DNAH11: variants seen among roughly 807,000 people sequenced by gnomAD.
DNAH11 encodes dynein axonemal heavy chain 11.
DNAH11 carries 442 observed loss-of-function variants against 526.0 expected under a neutral mutation model. The observed-to-expected ratio is 0.84, with a 90% CI of 0.78 to 0.91. The LOEUF is 0.91. Ranked by LOEUF, DNAH11 falls within the 40% of genes least tolerant of loss-of-function variation. The probability of loss-of-function intolerance (pLI) is 0.00; values close to 1 mark genes in which losing one functional copy is unlikely to be tolerated. For synonymous variants in DNAH11, 2,461 were observed against 1,935.9 expected, an observed-to-expected ratio of 1.27 and a Z score of -7.12; for missense variants, 6,989 against 5,448.7, an observed-to-expected ratio of 1.28 and a Z score of -8.90.
chr7:21,899,070 T>C (rs1257170132), intron 79 of DNAH11, among the ~76,000 whole-genome samples: 2 of 152,228 alleles, frequency 1.3e-5, no homozygotes, highest in East Asian at 1.9e-4. Context: ...TAATAAAAGC[T>C]GTTGCATAAA....
chr7:21,703,352 A>G (rs996281577), intron 37 of DNAH11: 1 of 156,728 alleles, frequency 6.4e-6, no homozygotes, highest in Non-Finnish European at 1.4e-5. Context: ...AGCGAGAGCA[A>G]TGGATATGTG....
At chr7:21,715,894 T>C (rs1784645968) in intron 42 of DNAH11, among the ~76,000 whole-genome samples, 2 of 147,532 alleles carry the variant, frequency 1.4e-5, no homozygotes, top group South Asian at 2.2e-4. Context: ...TCAAGCAGAA[T>C]CGGCTCTTAC....
At chr7:21,562,041 G>GCTCT (rs150169808) in intron 5 of DNAH11, among the ~76,000 whole-genome samples, 23,814 of 152,046 alleles carry the variant, frequency 0.16, 2,092 homozygotes, top group East Asian at 0.23. Flanking sequence ...TACAGCAGGG[G>GCTCT]CTCTGTAAGA....
intron 57 of DNAH11, among the ~76,000 whole-genome samples, chr7:21,783,688 G>C (rs1386858608): frequency 6.9e-6 from 1 of 144,540 alleles, no homozygotes; most frequent in Non-Finnish European, 1.5e-5. Context: ...AAGTTTACCA[G>C]CATGACTTTC....
chr7:21,779,229 C>A, intron 57 of DNAH11, 125 bp downstream of exon 57: 2 of 1,188,232 alleles, frequency 1.7e-6, no homozygotes, highest in Non-Finnish European at 2.3e-6. Flanking sequence ...ATTATAGTTA[C>A]ACATGTAACA....
chr7:21,582,905 G>C (rs1784364452), intron 9 of DNAH11, among the ~76,000 whole-genome samples: 1 of 152,104 alleles, frequency 6.6e-6, no homozygotes, highest in East Asian at 1.9e-4. Context: ...TGGCTGGTCA[G>C]TGGAGAAGAC....
intron 18 of DNAH11, among the ~76,000 whole-genome samples, chr7:21,604,662 C>A (rs930606633): frequency 2.0e-5 from 3 of 152,276 alleles, no homozygotes; most frequent in African/African-American, 7.2e-5. Flanking sequence ...ATCATCTGAT[C>A]TTTTGGGTTT....
At chr7:21,678,972 A>G (rs1783028173) in intron 30 of DNAH11, among the ~76,000 whole-genome samples, 1 of 152,192 alleles carries the variant, frequency 6.6e-6, no homozygotes, top group South Asian at 2.1e-4. Flanking sequence ...AGATGTAGAA[A>G]AAACCCAAGT....
intron 8 of DNAH11, among the ~76,000 whole-genome samples, chr7:21,580,813 G>T (rs1784280515): frequency 6.6e-6 from 1 of 152,182 alleles, no homozygotes. Flanking sequence ...ATAAAATTTT[G>T]CAAGGACATA....
At chr7:21,682,322 C>T (rs59302015) in intron 31 of DNAH11, among the ~76,000 whole-genome samples, 30,371 of 151,834 alleles carry the variant, frequency 0.2, 3,210 homozygotes, top group African/African-American at 0.23. Context: ...GTCAGGAGAT[C>T]GAGACCATCC....
chr7:21,554,252 C>A (rs1256873727), intron 2 of DNAH11, among the ~76,000 whole-genome samples: 1 of 150,442 alleles, frequency 6.6e-6, no homozygotes, highest in Non-Finnish European at 1.5e-5. Flanking sequence ...TGGCTCACTG[C>A]AACCTCCACC....
In DNAH11 at chr7:21,655,907, C is replaced by A; in HGVS notation, c.5020C>A (p.His1674Asn). The change falls in exon 29 of 82, where the codon CAC becomes AAC. Residue 1674 changes from histidine (H) to asparagine (N), a missense_variant. Coordinates refer to ENST00000409508, the MANE Select transcript of DNAH11 (RefSeq NM_001277115.2). ...QFEDNQDVSA[H>N]RAVGMYSKEK... ...TGAAGACAATCAGGATGTTTCTGCA[C>A]ACAGGGCAGTTGGAATGTACAGCAA... is the stretch of plus-strand genomic sequence containing the variant. 6.2e-7 allele frequency: 1 copy of A among 1,613,322 alleles called. No homozygotes were observed. Among genetic ancestry groups the A allele is most frequent in the Non-Finnish European group, 8.5e-7 (1 of 1,179,572 alleles).
intron 28 of DNAH11, among the ~76,000 whole-genome samples, chr7:21,648,128 G>A (rs1052599865): frequency 9.9e-5 from 15 of 152,196 alleles, no homozygotes; most frequent in Non-Finnish European, 1.8e-4. Context: ...CTATGTTATT[G>A]CTTAACCTTT....
At chr7:21,862,710 C>G (rs368223256) in intron 69 of DNAH11, among the ~76,000 whole-genome samples, 1 of 152,028 alleles carries the variant, frequency 6.6e-6, no homozygotes, top group Non-Finnish European at 1.5e-5. Context: ...GGTTTCTTAC[C>G]CACACCTTCA....
At chr7:21,789,812 CTTT>C (rs1788376584) in intron 61 of DNAH11, among the ~76,000 whole-genome samples, 1 of 76,102 alleles carries the variant, frequency 1.3e-5, no homozygotes, top group African/African-American at 4.9e-5. Flanking sequence ...TTTCTTTTTT[CTTT>C]CTTTCTTTCT....
At chr7:21,896,605 T>C (rs1562609814) in intron 79 of DNAH11, among the ~76,000 whole-genome samples, 1 of 152,364 alleles carries the variant, frequency 6.6e-6, no homozygotes. Flanking sequence ...GAAAAAGTCT[T>C]AGCACTTTTT....
intron 65 of DNAH11, among the ~76,000 whole-genome samples, chr7:21,838,716 CTA>C (rs1491053167): frequency 2.0e-5 from 3 of 148,876 alleles, no homozygotes; most frequent in African/African-American, 7.5e-5. Flanking sequence ...GATTTTTAAA[CTA>C]TTTATTTATT....
chr7:21,828,585 G>A (rs1461380494), intron 65 of DNAH11, among the ~76,000 whole-genome samples: 1 of 152,082 alleles, frequency 6.6e-6, no homozygotes, highest in Non-Finnish European at 1.5e-5. Context: ...AGAATCCTCA[G>A]ATTCTTTTAT....
intron 74 of DNAH11, among the ~76,000 whole-genome samples, chr7:21,878,968 C>T (rs1406257116): frequency 2.6e-5 from 4 of 152,326 alleles, no homozygotes; most frequent in African/African-American, 9.6e-5. Flanking sequence ...TGCTCAATGC[C>T]AGCTGAAGGA....
Sources: allele counts gnomAD v4.1 joint callset (sites outside exome capture counted in the v4.1 genomes callset), GRCh38; gene constraint gnomAD v4.1.1; transcripts MANE v1.5; gene names NCBI Gene and HGNC (gene_info 2026-07-23, HGNC 2026-07-21).